The following GXYLT1 variants were observed in gnomAD, a reference collection of about 807,000 sequenced individuals.
The protein encoded by GXYLT1 is glucoside xylosyltransferase 1.
A neutral mutation model predicts 54.0 loss-of-function variants in GXYLT1; 29 were observed. The observed-to-expected ratio is 0.54, with a 90% CI of 0.40 to 0.73. The LOEUF is 0.73. GXYLT1 is among the 30% of genes least tolerant of loss of function. The pLI, the probability that GXYLT1 is intolerant of heterozygous loss-of-function variation, is 0.00. For missense variants in GXYLT1, 490 were observed against 553.4 expected, an observed-to-expected ratio of 0.89 and a Z score of 1.15; for synonymous variants, 176 against 204.1, an observed-to-expected ratio of 0.86 and a Z score of 1.17.
chr12:42,095,367 C>T (rs954184288), intron 7 of GXYLT1, among the ~76,000 whole-genome samples: 6 of 151,820 alleles, frequency 4.0e-5, no homozygotes, highest in Non-Finnish European at 8.8e-5. Context: ...TTGGAAACTA[C>T]CAAAATGTCC....
chr12:42,118,740 T>C (rs1284309043), intron 3 of GXYLT1, among the ~76,000 whole-genome samples: 1 of 152,182 alleles, frequency 6.6e-6, no homozygotes, highest in African/African-American at 2.4e-5. Context: ...TTTAAAAGTG[T>C]GGTCTTCTTT....
intron 3 of GXYLT1, among the ~76,000 whole-genome samples, chr12:42,118,024 A>C (rs970287727): frequency 1.3e-5 from 2 of 152,332 alleles, no homozygotes; most frequent in East Asian, 3.9e-4. Context: ...CTCATGTTAA[A>C]GATGGCTCAG....
intron 7 of GXYLT1, among the ~76,000 whole-genome samples, chr12:42,091,305 C>A (rs957535792): frequency 2.6e-5 from 4 of 151,746 alleles, no homozygotes; most frequent in Non-Finnish European, 5.9e-5. Flanking sequence ...AAAAAAAAAT[C>A]AAGTGTAATT....
At chr12:42,144,310 G>T in intron 1 of GXYLT1, 116 bp downstream of exon 1, 1 of 608,062 alleles carries the variant, frequency 1.6e-6, no homozygotes, top group Non-Finnish European at 2.4e-6. Flanking sequence ...AGGGGTCAGA[G>T]ACAGGAGGAA....
chr12:42,114,605 C>G (rs909109639), intron 3 of GXYLT1, among the ~76,000 whole-genome samples: 1 of 152,102 alleles, frequency 6.6e-6, no homozygotes, highest in African/African-American at 2.4e-5. Flanking sequence ...CTGAATAGAC[C>G]AACAACAGGC....
chr12:42,128,074 T>C (rs1044720858), intron 2 of GXYLT1, among the ~76,000 whole-genome samples: 1 of 152,128 alleles, frequency 6.6e-6, no homozygotes, highest in African/African-American at 2.4e-5. Flanking sequence ...AGGAGAATGG[T>C]GGTTACCAGG....
chr12:42,093,461 T>C (rs983219391), intron 7 of GXYLT1, among the ~76,000 whole-genome samples: 1 of 152,016 alleles, frequency 6.6e-6, no homozygotes, highest in Middle Eastern at 3.4e-3. Flanking sequence ...AAAATAAATA[T>C]ACAATAGCTA....
At position 42,109,709 on chromosome 12, in the gene GXYLT1, A is replaced by C. The variant is rs775440320; in HGVS notation, c.487-18T>G. The C allele has an allele frequency of 7.0e-7, 1 of 1,436,950 alleles. No individual in the cohort carries two copies. The highest frequency in any genetic ancestry group is 9.6e-7 in the Non-Finnish European group (1 of 1,046,936). The allele number at this position is 1,436,950 out of a possible 1,614,324, so 89.0% of individuals were successfully genotyped here. A position where few individuals can be genotyped will look rare whatever the true frequency, so the allele number is the denominator to read the frequency against. On this transcript the variant is annotated intron_variant, in intron 3 of 7. Coordinates refer to ENST00000398675, the MANE Select transcript of GXYLT1 (RefSeq NM_173601.2). ...TTGTCAAGCTAAAACAATTTAAAAA[A>C]AAACTGTTTAGTTTCACTCTGAATT...
intron 1 of GXYLT1, among the ~76,000 whole-genome samples, chr12:42,136,017 T>C (rs562631914): frequency 1.9e-4 from 29 of 152,338 alleles, no homozygotes; most frequent in African/African-American, 6.5e-4. Flanking sequence ...TGAATACATA[T>C]GCTGCATACC....
At chr12:42,130,817 T>G (rs563913970) in intron 1 of GXYLT1, among the ~76,000 whole-genome samples, 1 of 152,170 alleles carries the variant, frequency 6.6e-6, no homozygotes, top group Non-Finnish European at 1.5e-5. Context: ...CATGGTGGCA[T>G]TTACCTTAAG....
intron 1 of GXYLT1, among the ~76,000 whole-genome samples, chr12:42,142,337 A>AT (rs201702582): frequency 0.12 from 16,554 of 140,208 alleles, 1,004 homozygotes; most frequent in East Asian, 0.19. Context: ...AAAAAAGTTA[A>AT]TTTTTTTTTT....
In GXYLT1 at chr12:42,083,231, A is replaced by C. The variant is rs2065263739; in HGVS notation, c.*4555T>G. ...CATTTTTAGACTTCTGTCTTTATAT[A>C]ATTTAGTTTGTAAAACCTAGTTTCA... On this transcript the variant is annotated 3_prime_UTR_variant, in exon 8 of 8. Transcript: ENST00000398675. 6.6e-6 allele frequency: 1 copy of C among 152,160 alleles called. No individual in the cohort carries two copies. The highest frequency in any genetic ancestry group is 1.5e-5 in the Non-Finnish European group (1 of 68,016). The allele number at this position is 152,160 out of a possible 1,614,324, so 9.4% of individuals were successfully genotyped here. A position where few individuals can be genotyped will look rare whatever the true frequency, so the allele number is the denominator to read the frequency against.
At chr12:42,100,429 T>C (rs12824857) in intron 5 of GXYLT1, among the ~76,000 whole-genome samples, 26,347 of 152,028 alleles carry the variant, frequency 0.17, 2,298 homozygotes, top group African/African-American at 0.18. Flanking sequence ...ATACTGAAAA[T>C]TTTTTAAAAA....
intron 1 of GXYLT1, among the ~76,000 whole-genome samples, chr12:42,138,787 G>C (rs183374175): frequency 3.3e-5 from 5 of 152,210 alleles, no homozygotes; most frequent in South Asian, 2.1e-4. Context: ...TTGGGAGGCC[G>C]AGGCAGGTGG....
At chr12:42,109,718 T>C (rs773723516) in intron 3 of GXYLT1, 27 bp from the exon 4 acceptor site, 65 of 1,380,190 alleles carry the variant, frequency 4.7e-5, no homozygotes, top group Middle Eastern at 1.8e-4. Context: ...AAAAACTGTT[T>C]AGTTTCACTC....
At chr12:42,097,889 A>G (rs1345307567) in intron 6 of GXYLT1, 21 bp downstream of exon 6, 1 of 1,534,818 alleles carries the variant, frequency 6.5e-7, no homozygotes, top group Non-Finnish European at 8.9e-7. Context: ...TAATGCAAAT[A>G]AAAGGAATTT....
chr12:42,099,922 T>C (rs2065379862), intron 5 of GXYLT1, among the ~76,000 whole-genome samples: 2 of 152,222 alleles, frequency 1.3e-5, no homozygotes, highest in African/African-American at 4.8e-5. Context: ...TCCTACTGTT[T>C]AGCCATTAAG....
At position 42,087,606 on chromosome 12, in the gene GXYLT1, GCCC is replaced by G. The variant is rs2065303099; in HGVS notation, c.*177_*179del. ...GAGATAAAAAATGTTCAATGTTGAGGCCCAAGATTTTAACTTATTCTTCATTAC... is the reference window on the plus strand; with the variant it reads ...GAGATAAAAAATGTTCAATGTTGAGGAAGATTTTAACTTATTCTTCATTAC... On this transcript the variant is annotated 3_prime_UTR_variant, in exon 8 of 8. Transcript: ENST00000398675. The G allele has an allele frequency of 1.2e-4, 64 of 524,150 alleles. No homozygotes were observed. In the South Asian group the frequency reaches 1.6e-3, roughly 13 times the overall value. The allele number at this position is 524,150 out of a possible 1,614,324, so 32.5% of individuals were successfully genotyped here.
chr12:42,107,753 G>A (rs754282398), intron 4 of GXYLT1, among the ~76,000 whole-genome samples: 4 of 152,094 alleles, frequency 2.6e-5, no homozygotes, highest in African/African-American at 9.7e-5. Flanking sequence ...ACTTTTTTGA[G>A]GGGTGGTGGA....
Sources: allele counts gnomAD v4.1 joint callset (sites outside exome capture counted in the v4.1 genomes callset), GRCh38; gene constraint gnomAD v4.1.1; transcripts MANE v1.5; gene names NCBI Gene and HGNC (gene_info 2026-07-23, HGNC 2026-07-21).